The following POU6F2 variants were observed in gnomAD, a reference collection of about 807,000 sequenced individuals.
The protein encoded by POU6F2 is POU domain, class 6, transcription factor 2.
A neutral mutation model predicts 71.3 loss-of-function variants in POU6F2; 31 were observed. The observed-to-expected ratio is 0.43, with a 90% CI of 0.33 to 0.59. The LOEUF is 0.59. POU6F2 is among the 20% of genes least tolerant of loss of function. POU6F2 has a pLI of 0.04. For missense variants in POU6F2, 783 were observed against 856.8 expected (o/e 0.91, Z 1.07); for synonymous variants, 347 against 355.7 (o/e 0.98, Z 0.27).
chr7:39,103,893 C>A (rs1791624322), intron 2 of POU6F2, among the ~76,000 whole-genome samples: 2 of 152,210 alleles, frequency 1.3e-5, no homozygotes, highest in South Asian at 4.1e-4. Flanking sequence ...ACATCATGGA[C>A]AAATATACAG....
intron 4 of POU6F2, among the ~76,000 whole-genome samples, chr7:39,324,107 CA>C (rs70977473): frequency 0.014 from 966 of 70,632 alleles, 2 homozygotes; most frequent in Non-Finnish European, 0.015. Flanking sequence ...AACTACATCT[CA>C]AAAAAAAAAA....
intron 4 of POU6F2, among the ~76,000 whole-genome samples, chr7:39,327,050 T>C (rs535889519): frequency 1.3e-5 from 2 of 152,132 alleles, no homozygotes; most frequent in Non-Finnish European, 2.9e-5. Context: ...GAGGCTGAGG[T>C]GGGCGTATCA....
chr7:39,177,982 G>T (rs969376854), intron 2 of POU6F2, among the ~76,000 whole-genome samples: 1 of 152,116 alleles, frequency 6.6e-6, no homozygotes, highest in Non-Finnish European at 1.5e-5. Context: ...TCAGCCAGGC[G>T]TGGTGGATCA....
At chr7:39,054,059 G>T (rs895066353) in intron 1 of POU6F2, among the ~76,000 whole-genome samples, 6 of 151,864 alleles carry the variant, frequency 4.0e-5, no homozygotes, top group Non-Finnish European at 7.4e-5. Context: ...CCGAGATCAT[G>T]CCTCTACACT....
intron 5 of POU6F2, among the ~76,000 whole-genome samples, chr7:39,387,257 G>A (rs17619548): frequency 6.6e-6 from 1 of 152,064 alleles, no homozygotes; most frequent in Non-Finnish European, 1.5e-5. Context: ...ATATGGACAC[G>A]CATGAACACA....
chr7:39,010,375 T>A (rs1399068558), intron 1 of POU6F2, among the ~76,000 whole-genome samples: 72 of 145,184 alleles, frequency 5.0e-4, no homozygotes, highest in Admixed American at 1.0e-3. Context: ...TGATATCCCC[T>A]TTATCATTTT....
chr7:39,139,879 A>G (rs1251285168), intron 2 of POU6F2, among the ~76,000 whole-genome samples: 1 of 152,194 alleles, frequency 6.6e-6, no homozygotes, highest in Non-Finnish European at 1.5e-5. Context: ...GGCTCTAGGA[A>G]AGACTCAAGA....
chr7:39,333,749 A>T (rs1270696133), intron 4 of POU6F2, among the ~76,000 whole-genome samples: 1 of 152,154 alleles, frequency 6.6e-6, no homozygotes, highest in African/African-American at 2.4e-5. Flanking sequence ...AAAATAAATA[A>T]ATAAATATAA....
At chr7:39,236,696 A>T (rs1794682504) in intron 4 of POU6F2, among the ~76,000 whole-genome samples, 1 of 152,174 alleles carries the variant, frequency 6.6e-6, no homozygotes, top group Non-Finnish European at 1.5e-5. Flanking sequence ...TACTTCATTT[A>T]TCATACATCG....
intron 1 of POU6F2, among the ~76,000 whole-genome samples, chr7:39,073,508 T>C (rs1790931790): frequency 6.6e-6 from 1 of 152,192 alleles, no homozygotes. Flanking sequence ...TGGAATTATG[T>C]TATCTCTGCT....
chr7:39,191,467 G>GAAAACCT lies in POU6F2; in HGVS notation c.278-12768_278-12767insAAAACCT, dbSNP rs1491484408. 7.8e-3 allele frequency among the ~76,000 whole-genome samples: 1,179 copies of GAAAACCT among 152,094 alleles called. 5 individuals are homozygous for GAAAACCT. Among genetic ancestry groups the GAAAACCT allele is most frequent in the South Asian group, 0.021 (99 of 4,814 alleles). ...CAAGAAGTAAATTTTTTAAGAATTT[G>GAAAACCT]GACTGAAAACCTGTAAGTTATAATC... On this transcript the variant is annotated intron_variant, in intron 2 of 9. Transcript: ENST00000518318.
At chr7:39,297,170 G>A (rs1386793444) in intron 4 of POU6F2, among the ~76,000 whole-genome samples, 2 of 136,884 alleles carry the variant, frequency 1.5e-5, no homozygotes, top group Admixed American at 1.4e-4. Context: ...TATTTTAATA[G>A]GGGTGTTTAC....
At chr7:38,985,494 G>A (rs1040565443) in intron 1 of POU6F2, among the ~76,000 whole-genome samples, 3 of 152,018 alleles carry the variant, frequency 2.0e-5, no homozygotes, top group African/African-American at 4.8e-5. Flanking sequence ...ATTGAATTCC[G>A]AATCGGGAAA....
chr7:39,233,084 T>C (rs938406546), intron 4 of POU6F2, among the ~76,000 whole-genome samples: 1 of 152,212 alleles, frequency 6.6e-6, no homozygotes, highest in African/African-American at 2.4e-5. Context: ...ATTCATTTAT[T>C]TATCAGGTGT....
chr7:39,400,393 C>T (rs1787272679), intron 5 of POU6F2, among the ~76,000 whole-genome samples: 1 of 152,184 alleles, frequency 6.6e-6, no homozygotes, highest in Non-Finnish European at 1.5e-5. Flanking sequence ...TGAGTTGCCC[C>T]CACACCTTGG....
chr7:39,278,278 G>C (rs531655422), intron 4 of POU6F2, among the ~76,000 whole-genome samples: 4 of 152,204 alleles, frequency 2.6e-5, no homozygotes, highest in African/African-American at 7.2e-5. Flanking sequence ...TCAGAAACTG[G>C]AAGTAAGCTC....
At chr7:38,981,851 C>T (rs1016404489) in intron 1 of POU6F2, among the ~76,000 whole-genome samples, 1 of 152,166 alleles carries the variant, frequency 6.6e-6, no homozygotes. Flanking sequence ...TGTGTGCATG[C>T]ATTTGGCTTA....
intron 2 of POU6F2, among the ~76,000 whole-genome samples, chr7:39,136,870 C>CT (rs1350778842): frequency 1.3e-5 from 2 of 151,382 alleles, no homozygotes; most frequent in African/African-American, 4.9e-5. Flanking sequence ...GACTGTAGTC[C>CT]TAGCTACTCA....
intron 4 of POU6F2, among the ~76,000 whole-genome samples, chr7:39,336,112 A>G (rs1180534975): frequency 6.6e-6 from 1 of 152,266 alleles, no homozygotes; most frequent in Non-Finnish European, 1.5e-5. Flanking sequence ...CTTTTCTTGT[A>G]GTACAATACA....
Sources: allele counts gnomAD v4.1 joint callset (sites outside exome capture counted in the v4.1 genomes callset), GRCh38; gene constraint gnomAD v4.1.1; transcripts MANE v1.5; gene names NCBI Gene and HGNC (gene_info 2026-07-23, HGNC 2026-07-21).